Variants in WDR86 observed in about 807,000 individuals in gnomAD.
WDR86 encodes the protein WD repeat domain 86, also known as WD repeat-containing protein 86.
In WDR86, 30 loss-of-function variants were observed where a neutral mutation model predicts 36.5. That is an observed-to-expected ratio of 0.82 (90% CI 0.61 to 1.11). The LOEUF (loss-of-function observed/expected upper bound fraction) is 1.11. Ranked by LOEUF, WDR86 falls within the 50% of genes most tolerant of loss-of-function variation. WDR86 has a pLI of 0.00. For synonymous variants in WDR86, 255 were observed against 252.9 expected, an observed-to-expected ratio of 1.01 and a Z score of -0.08; for missense variants, 545 against 561.2, an observed-to-expected ratio of 0.97 and a Z score of 0.29.
chr7:151,389,505 T>C (rs1799252807), intron 3 of WDR86, among the ~76,000 whole-genome samples: 1 of 152,058 alleles, frequency 6.6e-6, no homozygotes, highest in Admixed American at 6.5e-5. Flanking sequence ...TCAGCCACTC[T>C]CTCCCTTGGC....
chr7:151,409,028 T>C lies in WDR86; in HGVS notation c.163+399A>G, dbSNP rs1000808941. The C allele has an allele frequency of 3.7e-5, 18 of 490,238 alleles. No individual in the cohort carries two copies. The highest frequency in any genetic ancestry group is 1.4e-4 in the African/African-American group (7 of 50,794). 30.4% of individuals were successfully genotyped at this position (490,238 alleles called of 1,614,324 possible). A position where few individuals can be genotyped will look rare whatever the true frequency, so the allele number is the denominator to read the frequency against. ...AGGAAATGCCAGCAGAAGAGCACAA[T>C]TGGCCACAAAGAGGCCACAAGGCAC... On this transcript the variant is annotated intron_variant, in intron 1 of 5. Coordinates refer to ENST00000334493, the MANE Select transcript of WDR86 (RefSeq NM_198285.3). The surrounding 1 kb of genome is among the most constrained non-coding windows in gnomAD (Gnocchi z 5.2).
chr7:151,408,152 G>T (rs1800861281), intron 1 of WDR86, among the ~76,000 whole-genome samples: 1 of 149,730 alleles, frequency 6.7e-6, no homozygotes, highest in South Asian at 2.1e-4. Context: ...TCCCTGTTGG[G>T]TTTGAAATAT....
the WDR86 span, chr7:151,369,219 G>T: frequency 6.0e-6 from 1 of 166,728 alleles, no homozygotes; most frequent in African/African-American, 2.4e-5. Flanking sequence ...TGTTGGCCAG[G>T]CTGTTCTCAA....
Position 151,388,717 on chromosome 7 carries a change from A to C in WDR86, c.727-3494T>G, listed in dbSNP as rs1287649812. Among the ~76,000 whole-genome samples, 1 of 152,180 alleles carries C rather than the reference A, an allele frequency of 6.6e-6. No individual in the cohort carries two copies. Among genetic ancestry groups the C allele is most frequent in the East Asian group, 1.9e-4 (1 of 5,194 alleles). On this transcript the variant is annotated intron_variant, in intron 3 of 5. Coordinates refer to ENST00000334493, the MANE Select transcript of WDR86 (RefSeq NM_198285.3). The surrounding 1 kb of genome is among the most constrained non-coding windows in gnomAD (Gnocchi z 4.2). ...TCACCTCTGCTTTTGGCCAACTTGGAGCAGGCTGCAGGCTTCAGGGAAGCA... is the reference window on the plus strand; with the variant it reads ...TCACCTCTGCTTTTGGCCAACTTGGCGCAGGCTGCAGGCTTCAGGGAAGCA...
downstream of WDR86, chr7:151,374,191 C>T (rs1256401843): frequency 1.2e-5 from 19 of 1,572,788 alleles, no homozygotes; most frequent in African/African-American, 6.8e-5. Context: ...TCCACGCACG[C>T]GGCCCAGCAG....
In WDR86 at chr7:151,404,503, C is replaced by T. The variant is rs75462014; in HGVS notation, c.164-4262G>A. On this transcript the variant is annotated intron_variant, in intron 1 of 5. Transcript: ENST00000334493. ...ACAGGCCTCCACTGACCCAGGCCTG[C>T]GGGGTCACCCTAGCGGGGAGGAGGC... Among the ~76,000 whole-genome samples, 175 of 152,240 alleles carry T rather than the reference C, an allele frequency of 1.1e-3. 3 individuals carry two copies. The East Asian group carries it at 0.03, about 26-fold the overall frequency.
At chr7:151,373,594 T>TG (rs1263287900), downstream of WDR86, among the ~76,000 whole-genome samples, 1 of 152,164 alleles carries the variant, frequency 6.6e-6, no homozygotes, top group Non-Finnish European at 1.5e-5. Flanking sequence ...CCCCAGGCTG[T>TG]GGGGGGCGGG....
In WDR86 at chr7:151,409,577, C is replaced by T. The variant is rs766497167; in HGVS notation, c.13G>A (p.Gly5Arg). 2.1e-6 allele frequency: 3 copies of T among 1,402,158 alleles called. No individual in the cohort carries two copies. The highest frequency in any genetic ancestry group is 2.8e-6 in the Non-Finnish European group (3 of 1,080,878). The allele number at this position is 1,402,158 out of a possible 1,614,324, so 86.9% of individuals were successfully genotyped here. A position where few individuals can be genotyped will look rare whatever the true frequency, so the allele number is the denominator to read the frequency against. The change falls in exon 1 of 6, where the codon GGG becomes AGG. Residue 5 changes from glycine (G) to arginine (R), a missense_variant. Transcript: ENST00000334493. This position sits in a 1 kb window ranked among gnomAD's most constrained non-coding sequence, Gnocchi z 5.2. ...TCGGCGCAGACCCTCAGGGCCGACC[C>T]GCCGCCCCCCATCCCGCTGGCAGGG... MGGG[G>R]SALRVCADHR...
chr7:151,398,911 G>C (rs550571951), intron 2 of WDR86, among the ~76,000 whole-genome samples: 1 of 152,154 alleles, frequency 6.6e-6, no homozygotes, highest in Non-Finnish European at 1.5e-5. Flanking sequence ...ACAGGAGGGC[G>C]CTCCCCCAGC....
At position 151,381,359 on chromosome 7, in the gene WDR86, C is replaced by G; in HGVS notation, c.*223G>C. 7.0e-7 allele frequency: 1 copy of G among 1,427,692 alleles called. No homozygotes were observed. The highest frequency in any genetic ancestry group is 9.1e-7 in the Non-Finnish European group (1 of 1,101,138). 88.4% of individuals were successfully genotyped at this position (1,427,692 alleles called of 1,614,324 possible). On this transcript the variant is annotated 3_prime_UTR_variant, in exon 6 of 6. Transcript: ENST00000334493. This position sits in a 1 kb window ranked among gnomAD's most constrained non-coding sequence, Gnocchi z 4.8. Reference sequence around the variant, plus strand: ...ATGGGGAGGGAGGACAGGAGCCACCCTAAAAGGGAAAAGGGGGCGGTCCCC... The same window carrying G: ...ATGGGGAGGGAGGACAGGAGCCACCGTAAAAGGGAAAAGGGGGCGGTCCCC...
At chr7:151,410,426 T>G (rs1801128146), upstream of WDR86, 1 of 152,338 alleles carries the variant, frequency 6.6e-6, no homozygotes, top group Non-Finnish European at 1.5e-5. Flanking sequence ...CGAGGGGCTC[T>G]CGGGGACTTG....
intron 1 of WDR86, among the ~76,000 whole-genome samples, chr7:151,407,628 C>T (rs750230322): frequency 5.9e-5 from 9 of 152,152 alleles, no homozygotes; most frequent in Non-Finnish European, 1.2e-4. Flanking sequence ...CACCTGAGGT[C>T]GGGAGTTCAA....
rs1371718852 is a variant in WDR86 at position 151,381,570 on chromosome 7, G to C, written c.*12C>G. On this transcript the variant is annotated 3_prime_UTR_variant, in exon 6 of 6. Coordinates refer to ENST00000334493, the MANE Select transcript of WDR86 (RefSeq NM_198285.3). This position sits in a 1 kb window ranked among gnomAD's most constrained non-coding sequence, Gnocchi z 4.8. ...GGGTGTCTGGGCTGGCGTCTGCAGGGGCCCCGCGGGATCAGGCCGGCTGCA... is the reference window on the plus strand; with the variant it reads ...GGGTGTCTGGGCTGGCGTCTGCAGGCGCCCCGCGGGATCAGGCCGGCTGCA... 2.2e-6 allele frequency: 3 copies of C among 1,372,638 alleles called. No homozygotes were observed. Among genetic ancestry groups the C allele is most frequent in the Non-Finnish European group, 2.8e-6 (3 of 1,073,300 alleles). The allele number at this position is 1,372,638 out of a possible 1,614,324, so 85.0% of individuals were successfully genotyped here. A position where few individuals can be genotyped will look rare whatever the true frequency, so the allele number is the denominator to read the frequency against.
chr7:151,402,266 T>G (rs965693243), intron 1 of WDR86, among the ~76,000 whole-genome samples: 1 of 151,482 alleles, frequency 6.6e-6, no homozygotes, highest in Non-Finnish European at 1.5e-5. Flanking sequence ...GATGTGGCCC[T>G]GCTGACACCC....
intron 3 of WDR86, 158 bp from the exon 4 acceptor site, chr7:151,385,381 T>C (rs915056425): frequency 7.6e-7 from 1 of 1,319,118 alleles, no homozygotes; most frequent in Admixed American, 2.6e-5. Context: ...GACTGCCCAC[T>C]TCAGCACCCA....
downstream of WDR86, among the ~76,000 whole-genome samples, chr7:151,379,689 CAA>C (rs145379090): frequency 3.4e-3 from 511 of 152,304 alleles, 2 homozygotes; most frequent in Middle Eastern, 0.014. Context: ...TATAAAAATG[CAA>C]AGTGAGTGCA....
chr7:151,383,181 G>T (rs796904019), intron 4 of WDR86, among the ~76,000 whole-genome samples: 18 of 151,030 alleles, frequency 1.2e-4, no homozygotes, highest in East Asian at 3.9e-4. Context: ...GGCGGGGTGG[G>T]GGGGGGGAGC....
intron 2 of WDR86, 87 bp downstream of exon 2, chr7:151,400,013 C>T (rs941295940): frequency 7.6e-6 from 10 of 1,310,596 alleles, no homozygotes; most frequent in East Asian, 2.8e-5. Context: ...AGGGCCCTCA[C>T]GTGCAGGGGC....
chr7:151,402,186 C>T (rs759374365), intron 1 of WDR86, among the ~76,000 whole-genome samples: 12 of 149,042 alleles, frequency 8.1e-5, no homozygotes, highest in African/African-American at 1.2e-4. Flanking sequence ...GATGTGGCCA[C>T]GAGCGCAGGA....
Sources: gnomAD v4.1 joint callset for allele counts (sites outside exome capture counted in the v4.1 genomes callset) on GRCh38, gnomAD v4.1.1 for gene constraint, Gnocchi (gnomAD v3.1) non-coding constraint, MANE v1.5 for transcripts, NCBI Gene and HGNC (gene_info 2026-07-23, HGNC 2026-07-21) for gene names.